GUCY1A2: variants seen among roughly 807,000 people sequenced by gnomAD.
The protein encoded by GUCY1A2 is guanylate cyclase soluble subunit alpha-2.
A neutral mutation model predicts 63.5 loss-of-function variants in GUCY1A2; 27 were observed. The ratio of observed to expected loss-of-function variants is 0.43; its 90% CI spans 0.31 to 0.59. GUCY1A2 has a LOEUF of 0.59. Ranked by LOEUF, GUCY1A2 falls within the 20% of genes least tolerant of loss-of-function variation. The pLI is 0.11. For missense variants in GUCY1A2, 768 were observed against 913.3 expected (o/e 0.84, Z 2.05); for synonymous variants, 364 against 343.5 (o/e 1.06, Z -0.66).
intron 7 of GUCY1A2, among the ~76,000 whole-genome samples, chr11:106,693,798 CTTATG>C (rs1288602633): frequency 6.6e-6 from 1 of 151,702 alleles, no homozygotes; most frequent in Non-Finnish European, 1.5e-5. Context: ...ATTATTTTTT[CTTATG>C]TTGTGTTCTT....
chr11:106,800,951 A>C (rs1274008898), intron 5 of GUCY1A2, among the ~76,000 whole-genome samples: 3 of 151,898 alleles, frequency 2.0e-5, no homozygotes, highest in Admixed American at 2.0e-4. Context: ...GCTCCACCAA[A>C]AGGTTGTGGC....
At chr11:106,756,180 C>T (rs1253150361) in intron 6 of GUCY1A2, among the ~76,000 whole-genome samples, 26 of 151,898 alleles carry the variant, frequency 1.7e-4, no homozygotes, top group Non-Finnish European at 1.5e-5. Context: ...CCCTGCTTTT[C>T]TTTGCTTTCC....
At chr11:106,934,043 A>G (rs1401322025) in intron 4 of GUCY1A2, among the ~76,000 whole-genome samples, 5 of 152,220 alleles carry the variant, frequency 3.3e-5, no homozygotes, top group Non-Finnish European at 7.3e-5. Flanking sequence ...CCTCAGCATC[A>G]TGCAATATAC....
chr11:107,009,899 C>T (rs924670743), intron 1 of GUCY1A2, among the ~76,000 whole-genome samples: 2 of 152,122 alleles, frequency 1.3e-5, no homozygotes, highest in East Asian at 3.9e-4. Flanking sequence ...GCATGCTGAG[C>T]AATTACCTGG....
At chr11:106,960,679 CT>C (rs1423772081) in intron 3 of GUCY1A2, among the ~76,000 whole-genome samples, 1 of 152,100 alleles carries the variant, frequency 6.6e-6, no homozygotes, top group African/African-American at 2.4e-5. Context: ...ACTGGTAAGC[CT>C]TTGGTTTTAA....
intron 6 of GUCY1A2, among the ~76,000 whole-genome samples, chr11:106,735,435 T>C (rs546138902): frequency 6.4e-4 from 97 of 152,336 alleles, no homozygotes; most frequent in African/African-American, 2.3e-3. Context: ...CTTAGCATAA[T>C]GTCCTCCAGT....
intron 4 of GUCY1A2, among the ~76,000 whole-genome samples, chr11:106,866,202 A>G (rs1859590438): frequency 6.6e-6 from 1 of 151,962 alleles, no homozygotes; most frequent in Non-Finnish European, 1.5e-5. Flanking sequence ...CAAATGAAAT[A>G]GTTAAATTGG....
chr11:106,836,887 G>C (rs965795570), intron 4 of GUCY1A2, among the ~76,000 whole-genome samples: 2 of 151,926 alleles, frequency 1.3e-5, no homozygotes, highest in African/African-American at 4.8e-5. Context: ...GTGCCGGGTA[G>C]AGTCAGTGTT....
At chr11:106,938,078 C>G (rs1860702861) in intron 4 of GUCY1A2, among the ~76,000 whole-genome samples, 1 of 152,012 alleles carries the variant, frequency 6.6e-6, no homozygotes, top group Non-Finnish European at 1.5e-5. Flanking sequence ...GCTGGGATTA[C>G]AGGCACCCGC....
intron 4 of GUCY1A2, among the ~76,000 whole-genome samples, chr11:106,901,171 CA>C (rs1860128026): frequency 6.6e-6 from 1 of 152,256 alleles, no homozygotes; most frequent in African/African-American, 2.4e-5. Flanking sequence ...ACATCTTTAC[CA>C]GGGGTGGATT....
chr11:106,831,124 G>A (rs1156550722), intron 4 of GUCY1A2, among the ~76,000 whole-genome samples: 1 of 151,978 alleles, frequency 6.6e-6, no homozygotes, highest in Non-Finnish European at 1.5e-5. Flanking sequence ...GTGAAACTCT[G>A]GAAACAACTG....
At chr11:106,965,482 G>C (rs1861115963) in intron 3 of GUCY1A2, among the ~76,000 whole-genome samples, 1 of 152,148 alleles carries the variant, frequency 6.6e-6, no homozygotes, top group Non-Finnish European at 1.5e-5. Flanking sequence ...TGGAGAAAAA[G>C]AAAACAACAG....
chr11:107,017,677 C>G (rs1343950920), intron 1 of GUCY1A2, 76 bp downstream of exon 1: 6 of 885,052 alleles, frequency 6.8e-6, no homozygotes, highest in Non-Finnish European at 9.1e-6. Context: ...GCTCGCGCCC[C>G]GGCTCGCCCA....
intron 1 of GUCY1A2, among the ~76,000 whole-genome samples, chr11:107,011,210 CAT>C (rs1861739235): frequency 6.6e-6 from 1 of 152,148 alleles, no homozygotes; most frequent in Non-Finnish European, 1.5e-5. Flanking sequence ...TATGTGCCTA[CAT>C]GTGTGTGAAA....
intron 6 of GUCY1A2, among the ~76,000 whole-genome samples, chr11:106,767,953 G>A (rs1195973431): frequency 2.0e-5 from 3 of 152,038 alleles, no homozygotes; most frequent in African/African-American, 7.2e-5. Context: ...ATGAAATAAT[G>A]TAAATATAAA....
intron 5 of GUCY1A2, among the ~76,000 whole-genome samples, chr11:106,793,720 TACCTAA>T (rs1317263733): frequency 6.6e-6 from 1 of 151,912 alleles, no homozygotes; most frequent in East Asian, 1.9e-4. Context: ...TTCAAGAGAA[TACCTAA>T]AAATGGCCAA....
At chr11:106,763,219 C>A (rs924687061) in intron 6 of GUCY1A2, among the ~76,000 whole-genome samples, 1 of 151,852 alleles carries the variant, frequency 6.6e-6, no homozygotes, top group African/African-American at 2.4e-5. Flanking sequence ...AACAGTTTTG[C>A]GTACATTATT....
chr11:106,783,926 A>G (rs553483249), intron 5 of GUCY1A2, among the ~76,000 whole-genome samples: 1 of 151,932 alleles, frequency 6.6e-6, no homozygotes, highest in South Asian at 2.1e-4. Context: ...ATCCACCCAA[A>G]CTTGGGCTCC....
intron 4 of GUCY1A2, among the ~76,000 whole-genome samples, chr11:106,891,733 A>G (rs967415991): frequency 3.3e-5 from 5 of 152,124 alleles, no homozygotes; most frequent in African/African-American, 1.2e-4. Context: ...ATTTGAACCT[A>G]TTTCCGAACT....
Sources: gnomAD v4.1 joint callset for allele counts (sites outside exome capture counted in the v4.1 genomes callset) on GRCh38, gnomAD v4.1.1 for gene constraint, MANE v1.5 for transcripts, NCBI Gene and HGNC (gene_info 2026-07-23, HGNC 2026-07-21) for gene names.